Variants in GRIA1 observed in about 807,000 individuals in gnomAD.
GRIA1 encodes the protein glutamate ionotropic receptor AMPA type subunit 1.
In GRIA1, 31 loss-of-function variants were observed where a neutral mutation model predicts 99.2. The observed-to-expected ratio is 0.31, with a 90% confidence interval of 0.23 to 0.42. GRIA1 has a LOEUF of 0.42. Ranked by LOEUF, GRIA1 falls within the 10% of genes least tolerant of loss-of-function variation. The pLI is 1.00. For synonymous variants in GRIA1, 438 were observed against 432.4 expected (o/e 1.01, Z -0.16); for missense variants, 782 against 1,157.5 (o/e 0.68, Z 4.71).
intron 13 of GRIA1, among the ~76,000 whole-genome samples, chr5:153,779,454 G>A (rs1405995380): frequency 6.6e-6 from 1 of 152,198 alleles, no homozygotes; most frequent in African/African-American, 2.4e-5. Context: ...ACTCTGTCTT[G>A]AAGCACTAGG....
In GRIA1 at chr5:153,812,419, G is replaced by T. The variant is rs1766878476; in HGVS notation, c.*1194G>T. The T allele has an allele frequency of 6.6e-6, 1 of 152,224 alleles. No individual in the cohort carries two copies. Among genetic ancestry groups the T allele is most frequent in the Non-Finnish European group, 1.5e-5 (1 of 68,042 alleles). 9.4% of individuals were successfully genotyped at this position (152,224 alleles called of 1,614,324 possible). A position where few individuals can be genotyped will look rare whatever the true frequency, so the allele number is the denominator to read the frequency against. On this transcript the variant is annotated 3_prime_UTR_variant, in exon 16 of 16. Transcript: ENST00000285900. The stretch of plus-strand genomic sequence containing the variant: ...AAACACGTATGAAGTTTATGCTGAT[G>T]CAAAGAACTTGGGTTTTTATGTTAA...
At chr5:153,645,752 G>A (rs1287101824) in intron 2 of GRIA1, among the ~76,000 whole-genome samples, 2 of 152,110 alleles carry the variant, frequency 1.3e-5, no homozygotes, top group African/African-American at 4.8e-5. Flanking sequence ...TCTGGAAACA[G>A]GTGATATGGT....
At chr5:153,661,239 G>A (rs938899109) in intron 5 of GRIA1, among the ~76,000 whole-genome samples, 6 of 152,180 alleles carry the variant, frequency 3.9e-5, no homozygotes, top group African/African-American at 7.2e-5. Flanking sequence ...CTTCTGGTTA[G>A]GCAGGTGGTA....
At chr5:153,701,193 G>A (rs138183134) in intron 10 of GRIA1, among the ~76,000 whole-genome samples, 124 of 152,304 alleles carry the variant, frequency 8.1e-4, no homozygotes, top group African/African-American at 2.8e-3. Flanking sequence ...ATCCCCAGTA[G>A]CCAACACAGC....
At position 153,719,993 on chromosome 5, in the gene GRIA1, A is replaced by G. The variant is rs189385892; in HGVS notation, c.1823+13926A>G. On this transcript the variant is annotated intron_variant, in intron 11 of 15. Transcript: ENST00000285900. ...TATAGTCAGTGATTATTAGTATTCC[A>G]TGTAGTCAGTGTTTATTAATTTTTT... 1.6e-3 allele frequency among the ~76,000 whole-genome samples: 238 copies of G among 152,364 alleles called. 1 individual carries two copies. The highest frequency in any genetic ancestry group is 5.4e-3 in the African/African-American group (226 of 41,588).
chr5:153,774,339 G>C (rs550451510), intron 13 of GRIA1, among the ~76,000 whole-genome samples: 2 of 152,156 alleles, frequency 1.3e-5, no homozygotes, highest in Non-Finnish European at 2.9e-5. Context: ...GCTGATATAT[G>C]CTTAAAGATA....
chr5:153,537,915 C>G lies in GRIA1; in HGVS notation c.220+43850C>G, dbSNP rs1043864542. On this transcript the variant is annotated intron_variant, in intron 2 of 15. Transcript: ENST00000285900. ...TCTCAGCCAACAGCTTGTGCTCTTA[C>G]CAGCCCTGTGATTAGACGAAAGGGA... Among the ~76,000 whole-genome samples the G allele has an allele frequency of 2.0e-5, 3 of 152,150 alleles. No homozygotes were observed. The East Asian group carries it at 5.8e-4, about 29-fold the overall frequency.
At chr5:153,642,076 A>G (rs1187124258) in intron 2 of GRIA1, among the ~76,000 whole-genome samples, 1 of 152,224 alleles carries the variant, frequency 6.6e-6, no homozygotes, top group African/African-American at 2.4e-5. Flanking sequence ...TACATCAAAC[A>G]TACCACTCAA....
At chr5:153,590,872 C>CT (rs960319681) in intron 2 of GRIA1, among the ~76,000 whole-genome samples, 13 of 152,210 alleles carry the variant, frequency 8.5e-5, no homozygotes, top group African/African-American at 3.1e-4. Flanking sequence ...AGAATACCAC[C>CT]TTTTTTTCTT....
At chr5:153,669,081 T>A (rs542077415) in intron 5 of GRIA1, among the ~76,000 whole-genome samples, 2 of 152,256 alleles carry the variant, frequency 1.3e-5, no homozygotes, top group African/African-American at 4.8e-5. Context: ...AACAGAAAAT[T>A]AGGATGGATA....
At chr5:153,697,260 C>A (rs529633839) in intron 8 of GRIA1, among the ~76,000 whole-genome samples, 203 of 152,300 alleles carry the variant, frequency 1.3e-3, no homozygotes, top group Middle Eastern at 6.8e-3. Context: ...CATGTCTTCC[C>A]ATGGTAGACC....
rs1766088145 is a variant in GRIA1, at chr5:153,802,230, G to A, written c.2386-126G>A. On this transcript the variant is annotated intron_variant, in intron 14 of 15. Transcript: ENST00000285900. The stretch of plus-strand genomic sequence containing the variant: ...TGAATAAATAGCCTATCCAGCTATT[G>A]CAAATGTTAAAGAGGGTGTGGGGTT... 3 of 733,022 alleles carry A rather than the reference G, an allele frequency of 4.1e-6. No individual in the cohort carries two copies. In the South Asian group the frequency reaches 5.3e-5, roughly 13 times the overall value. The allele number at this position is 733,022 out of a possible 1,614,324, so 45.4% of individuals were successfully genotyped here.
At chr5:153,509,243 T>G (rs1441648562) in intron 2 of GRIA1, among the ~76,000 whole-genome samples, 1 of 152,206 alleles carries the variant, frequency 6.6e-6, no homozygotes, top group Admixed American at 6.5e-5. Context: ...GAAAAGGTGT[T>G]AGTAGAAGAG....
rs116607755 is a variant in GRIA1 at position 153,698,094 on chromosome 5, C to G, written c.1185C>G (p.Ala395=). 3 of 1,611,956 alleles carry G rather than the reference C, an allele frequency of 1.9e-6. No homozygotes were observed. Among genetic ancestry groups the G allele is most frequent in the Non-Finnish European group, 2.5e-6 (3 of 1,178,106 alleles). ...DDKFVPAATD[A]QAGGDNSSVQ... Reference sequence around the variant, plus strand: ...AGTTTGTCCCTGCAGCCACCGATGCCCAAGCTGGGGGCGATAATTCAAGTG... The same window carrying G: ...AGTTTGTCCCTGCAGCCACCGATGCGCAAGCTGGGGGCGATAATTCAAGTG... Residue 395 remains alanine, a synonymous_variant, in exon 9 of 16, where the codon GCC becomes GCG. Coordinates refer to ENST00000285900, the MANE Select transcript of GRIA1 (RefSeq NM_000827.4).
intron 2 of GRIA1, among the ~76,000 whole-genome samples, chr5:153,560,458 G>A (rs898565164): frequency 7.2e-5 from 11 of 152,182 alleles, no homozygotes; most frequent in African/African-American, 2.7e-4. Flanking sequence ...ACCCCCACGT[G>A]TCAAGGGAGG....
chr5:153,778,135 G>A (rs1482073356), intron 13 of GRIA1, among the ~76,000 whole-genome samples: 1 of 151,906 alleles, frequency 6.6e-6, no homozygotes, highest in South Asian at 2.1e-4. Context: ...AGTGAGGGAG[G>A]TTGGGAGGGA....
At chr5:153,599,505 A>C (rs934259398) in intron 2 of GRIA1, among the ~76,000 whole-genome samples, 1 of 152,228 alleles carries the variant, frequency 6.6e-6, no homozygotes, top group Non-Finnish European at 1.5e-5. Flanking sequence ...GTTTGCACAT[A>C]ACCTAGGCAC....
intron 10 of GRIA1, among the ~76,000 whole-genome samples, chr5:153,699,675 A>G (rs1361044952): frequency 6.6e-6 from 1 of 152,042 alleles, no homozygotes; most frequent in Admixed American, 6.6e-5. Context: ...CCCCTATAGA[A>G]TTTAGTTGCT....
At chr5:153,662,127 G>A (rs1755415441) in intron 5 of GRIA1, among the ~76,000 whole-genome samples, 1 of 152,170 alleles carries the variant, frequency 6.6e-6, no homozygotes, top group Non-Finnish European at 1.5e-5. Context: ...CAGCCTTTGA[G>A]TATTTGAAAA....
Sources: gnomAD v4.1 joint callset for allele counts (sites outside exome capture counted in the v4.1 genomes callset) on GRCh38, gnomAD v4.1.1 for gene constraint, MANE v1.5 for transcripts, NCBI Gene and HGNC (gene_info 2026-07-23, HGNC 2026-07-21) for gene names.